The following AK2 variants were observed in gnomAD, a reference collection of about 807,000 sequenced individuals.
AK2 encodes the protein adenylate kinase 2, mitochondrial.
A neutral mutation model predicts 24.6 loss-of-function variants in AK2; 15 were observed. The ratio of observed to expected loss-of-function variants is 0.61; its 90% CI spans 0.41 to 0.94. AK2 has a LOEUF of 0.94. AK2 is among the 40% of genes least tolerant of loss of function. The pLI is 0.00. For missense variants in AK2, 257 were observed against 304.1 expected (o/e 0.85, Z 1.15); for synonymous variants, 102 against 114.0 (o/e 0.90, Z 0.67).
At chr1:33,025,188 C>CAAAAAAAAAAAAAAAA (rs386366656) in intron 1 of AK2, among the ~76,000 whole-genome samples, 1 of 68,402 alleles carries the variant, frequency 1.5e-5, no homozygotes, top group Non-Finnish European at 2.8e-5. Flanking sequence ...GACTTCGTCT[C>CAAAAAAAAAAAAAAAA]AAAAAAAAAA....
intron 1 of AK2, 89 bp from the exon 2 acceptor site, chr1:33,024,656 A>G: frequency 6.4e-7 from 1 of 1,551,782 alleles, no homozygotes. Flanking sequence ...CCTGCCACTT[A>G]CTGGCTATGT....
At chr1:33,027,775 AAAAG>A (rs1210144418) in intron 1 of AK2, among the ~76,000 whole-genome samples, 2 of 152,012 alleles carry the variant, frequency 1.3e-5, no homozygotes, top group Non-Finnish European at 2.9e-5. Context: ...GAAAAAGAAA[AAAAG>A]AAAACGAATT....
rs569532390 is a variant in AK2, at chr1:33,009,360, A to C, written c.*3821T>G. 13 of 454,116 alleles carry C rather than the reference A, an allele frequency of 2.9e-5. 1 individual carries two copies. Among genetic ancestry groups the C allele is most frequent in the Admixed American group, 1.9e-4 (8 of 42,576 alleles). 28.1% of individuals were successfully genotyped at this position (454,116 alleles called of 1,614,324 possible). A position where few individuals can be genotyped will look rare whatever the true frequency, so the allele number is the denominator to read the frequency against. On this transcript the variant is annotated 3_prime_UTR_variant, in exon 6 of 6. Transcript: ENST00000672715. The stretch of plus-strand genomic sequence containing the variant: ...TAGGACACACAGAGAAGCAACAAAG[A>C]GTGTTAAAGAAGCAACTGAAAAGGT...
chr1:33,023,873 C>G (rs1182838920), intron 2 of AK2, among the ~76,000 whole-genome samples: 1 of 152,110 alleles, frequency 6.6e-6, no homozygotes, highest in Admixed American at 6.6e-5. Flanking sequence ...AACTTGCACT[C>G]TAAAAAGTCT....
chr1:33,014,250 G>A (rs571049501), intron 5 of AK2: 34 of 371,868 alleles, frequency 9.1e-5, no homozygotes, highest in African/African-American at 6.8e-4. Flanking sequence ...GCCAGAAAAG[G>A]GGCTGCTCTT....
intron 4 of AK2, chr1:33,019,984 C>A: frequency 6.9e-7 from 1 of 1,451,818 alleles, no homozygotes; most frequent in East Asian, 2.6e-5. Flanking sequence ...AGCTACAGCC[C>A]ACAATAAAGA....
At chr1:33,031,742 A>C (rs1323269206) in intron 1 of AK2, 1 of 454,958 alleles carries the variant, frequency 2.2e-6, no homozygotes, top group Non-Finnish European at 4.4e-6. Context: ...CATCTGACCC[A>C]TAAGACTGCC....
chr1:33,025,188 CAA>C (rs386366656), intron 1 of AK2, among the ~76,000 whole-genome samples: 4 of 68,400 alleles, frequency 5.8e-5, no homozygotes, highest in South Asian at 5.1e-4. Flanking sequence ...GACTTCGTCT[CAA>C]AAAAAAAAAA....
chr1:33,020,311 C>A, intron 4 of AK2: 1 of 688,842 alleles, frequency 1.5e-6, no homozygotes, highest in Non-Finnish European at 2.4e-6. Flanking sequence ...AATAAAAAGT[C>A]TACAGCAAAG....
chr1:33,015,031 A>C (rs1432475431), intron 4 of AK2, among the ~76,000 whole-genome samples: 1 of 152,242 alleles, frequency 6.6e-6, no homozygotes, highest in African/African-American at 2.4e-5. Flanking sequence ...ATGTGGAAAT[A>C]AATAACAAAC....
Position 33,010,633 on chromosome 1 carries a change from A to T in AK2, c.*2548T>A, listed in dbSNP as rs774862133. On this transcript the variant is annotated 3_prime_UTR_variant, in exon 6 of 6. Coordinates refer to ENST00000672715, the MANE Select transcript of AK2 (RefSeq NM_001625.4). ...ATTAATTTTTCCCTTACACTTTAAA[A>T]ACTCTCACCTATGTATAAAAGAAAC... 6 of 1,465,564 alleles carry T rather than the reference A, an allele frequency of 4.1e-6. No homozygotes were observed. In the South Asian group the frequency reaches 7.3e-5, roughly 18 times the overall value. 90.8% of individuals were successfully genotyped at this position (1,465,564 alleles called of 1,614,324 possible).
In AK2 at chr1:33,009,131, T is replaced by C. The variant is rs1388916824; in HGVS notation, c.*4050A>G. The C allele has an allele frequency of 2.2e-6, 1 of 452,766 alleles. No individual in the cohort carries two copies. The highest frequency in any genetic ancestry group is 4.4e-6 in the Non-Finnish European group (1 of 225,928). The allele number at this position is 452,766 out of a possible 1,614,324, so 28.0% of individuals were successfully genotyped here. A position where few individuals can be genotyped will look rare whatever the true frequency, so the allele number is the denominator to read the frequency against. The stretch of plus-strand genomic sequence containing the variant: ...CTGGTTCAGGGAACAGGATTTAATA[T>C]GTCAGTGAAGACCCTGCCTCTCTCT... On this transcript the variant is annotated 3_prime_UTR_variant, in exon 6 of 6. Coordinates refer to ENST00000672715, the MANE Select transcript of AK2 (RefSeq NM_001625.4).
rs146593481 is a variant in AK2, at chr1:33,027,480, G to A, written c.94-2913C>T. On this transcript the variant is annotated intron_variant, in intron 1 of 5. Transcript: ENST00000672715. The stretch of plus-strand genomic sequence containing the variant: ...TTCCTGGCTGGGTATGGTGGCTCAC[G>A]CCTGTAATCCCAGAACTTTGGGAGG... Among the ~76,000 whole-genome samples, 1,498 of 152,248 alleles carry A rather than the reference G, an allele frequency of 9.8e-3. 18 individuals are homozygous for A. The highest frequency in any genetic ancestry group is 0.035 in the African/African-American group (1,445 of 41,546).
At chr1:33,023,620 T>A (rs1004795985) in intron 2 of AK2, among the ~76,000 whole-genome samples, 1 of 151,920 alleles carries the variant, frequency 6.6e-6, no homozygotes, top group Non-Finnish European at 1.5e-5. Flanking sequence ...ATAAGAAGGA[T>A]TACCTTTGTC....
rs928907483 is a variant in AK2 at position 33,031,796 on chromosome 1, T to C, written c.93+4940A>G. ...AAGAATTGGGCATAAGTTTGACACA[T>C]GGAAGAAATGAGGAGGGGTTGGCAA... On this transcript the variant is annotated intron_variant, in intron 1 of 5. Coordinates refer to ENST00000672715, the MANE Select transcript of AK2 (RefSeq NM_001625.4). 9 of 407,786 alleles carry C rather than the reference T, an allele frequency of 2.2e-5. No individual in the cohort carries two copies. In the Admixed American group the frequency reaches 2.4e-4, roughly 11 times the overall value. The allele number at this position is 407,786 out of a possible 1,614,324, so 25.3% of individuals were successfully genotyped here.
At position 33,021,481 on chromosome 1, in the gene AK2, C is replaced by T; in HGVS notation, c.331-20G>A. 2 of 1,611,512 alleles carry T rather than the reference C, an allele frequency of 1.2e-6. No homozygotes were observed. On this transcript the variant is annotated intron_variant, in intron 3 of 5. Coordinates refer to ENST00000672715, the MANE Select transcript of AK2 (RefSeq NM_001625.4). ...ATCGAGCTGTAAAAGAATGTGTGGC[C>T]CACCTAAGCTACCAGAGCTTGGTTA...
At position 33,009,511 on chromosome 1, in the gene AK2, A is replaced by C. The variant is rs1171166411; in HGVS notation, c.*3670T>G. ...CTGTGTATATCTGGATCCAACTAACATTTATCCAATGTCTGTTGCATGCCA... is the reference window on the plus strand; with the variant it reads ...CTGTGTATATCTGGATCCAACTAACCTTTATCCAATGTCTGTTGCATGCCA... On this transcript the variant is annotated 3_prime_UTR_variant, in exon 6 of 6. Coordinates refer to ENST00000672715, the MANE Select transcript of AK2 (RefSeq NM_001625.4). 4.4e-6 allele frequency: 2 copies of C among 454,164 alleles called. No individual in the cohort carries two copies. The highest frequency in any genetic ancestry group is 4.7e-5 in the Admixed American group (2 of 42,580). 28.1% of individuals were successfully genotyped at this position (454,164 alleles called of 1,614,324 possible).
rs756065004 is a variant in AK2 at position 33,013,401 on chromosome 1, A to G, written c.500T>C (p.Ile167Thr). The G allele has an allele frequency of 3.7e-6, 6 of 1,612,606 alleles. No individual in the cohort carries two copies. The highest frequency in any genetic ancestry group is 5.1e-6 in the Non-Finnish European group (6 of 1,179,102). Residue 167 changes from isoleucine to threonine, a missense_variant and splice_region_variant, in exon 6 of 6, where the codon ATC becomes ACC. Physicochemically the swap from Ile to Thr is moderately conservative, Grantham distance 89. Transcript: ENST00000672715. ...NPPKEPMKDD[I>T]TGEPLIRRSD... ...TCGACGGATCAAGGGTTCCCCGGTG[A>G]TCTGAGAACAGGAAGACAGCAATGA...
In AK2 at chr1:33,020,200, C is replaced by T. The variant is rs1464006376; in HGVS notation, c.425+1167G>A. ...ACAAACATGTTAAAACACACACACA[C>T]ACACACACACACACACACACACACA... is the stretch of plus-strand genomic sequence containing the variant. On this transcript the variant is annotated intron_variant, in intron 4 of 5. Coordinates refer to ENST00000672715, the MANE Select transcript of AK2 (RefSeq NM_001625.4). 9 of 1,107,874 alleles carry T rather than the reference C, an allele frequency of 8.1e-6. No individual in the cohort carries two copies. In the African/African-American group the frequency reaches 1.1e-4, roughly 14 times the overall value. 68.6% of individuals were successfully genotyped at this position (1,107,874 alleles called of 1,614,324 possible).
Sources: allele counts gnomAD v4.1 joint callset (sites outside exome capture counted in the v4.1 genomes callset), GRCh38; gene constraint gnomAD v4.1.1; transcripts MANE v1.5; gene names NCBI Gene and HGNC (gene_info 2026-07-23, HGNC 2026-07-21).